Variants in PTPRE observed in about 807,000 individuals in gnomAD.
The protein encoded by PTPRE is receptor-type tyrosine-protein phosphatase epsilon.
Under a neutral mutation model 102.0 loss-of-function variants are expected in PTPRE, and 51 were observed. The observed-to-expected ratio is 0.50, with a 90% confidence interval of 0.40 to 0.63. PTPRE has a LOEUF of 0.63. Among genes scored for constraint, PTPRE ranks in the 30% least tolerant of loss-of-function variants. The pLI is 0.00. For missense variants in PTPRE, 752 were observed against 915.1 expected (o/e 0.82, Z 2.30); for synonymous variants, 345 against 348.2 (o/e 0.99, Z 0.10).
At chr10:127,949,229 C>T (rs372899764) in intron 1 of PTPRE, among the ~76,000 whole-genome samples, 1 of 152,124 alleles carries the variant, frequency 6.6e-6, no homozygotes, top group African/African-American at 2.4e-5. Flanking sequence ...TCTCAGCCAA[C>T]CCTAATTAGA....
intron 2 of PTPRE, among the ~76,000 whole-genome samples, chr10:128,034,123 C>T (rs1847001578): frequency 6.6e-6 from 1 of 152,172 alleles, no homozygotes; most frequent in African/African-American, 2.4e-5. Context: ...CTTTCTCTCT[C>T]CTGCTCATCA....
chr10:127,969,819 T>G (rs1428522192), intron 1 of PTPRE, among the ~76,000 whole-genome samples: 4 of 152,132 alleles, frequency 2.6e-5, no homozygotes. Flanking sequence ...GTGAACTCTG[T>G]GTGAGATGCT....
At chr10:127,939,705 A>G (rs549199996) in intron 1 of PTPRE, among the ~76,000 whole-genome samples, 1 of 152,344 alleles carries the variant, frequency 6.6e-6, no homozygotes, top group African/African-American at 2.4e-5. Context: ...TGAGCCCAGC[A>G]GGGGCAGGGC....
chr10:127,955,839 G>A (rs949140783), intron 1 of PTPRE, among the ~76,000 whole-genome samples: 9 of 152,160 alleles, frequency 5.9e-5, no homozygotes, highest in African/African-American at 2.2e-4. Context: ...AGATGAAGGG[G>A]AAGCAAGAAC....
chr10:127,930,895 C>T (rs547184007), intron 1 of PTPRE, among the ~76,000 whole-genome samples: 13 of 151,722 alleles, frequency 8.6e-5, no homozygotes, highest in East Asian at 1.9e-4. Flanking sequence ...CGGATTCAAG[C>T]GATTCTCCTG....
rs752197871 is a variant in PTPRE, at chr10:128,068,112, G to A, written c.844-11G>A. On this transcript the variant is annotated splice_polypyrimidine_tract_variant and intron_variant, in intron 11 of 20. Transcript: ENST00000254667. ...GTTTCACCCACTCTTGTCTCCCCGCGTCCCCCGCAGCAGCTCCCCGACGGC... is the reference window on the plus strand; with the variant it reads ...GTTTCACCCACTCTTGTCTCCCCGCATCCCCCGCAGCAGCTCCCCGACGGC... The A allele has an allele frequency of 1.1e-5, 18 of 1,608,868 alleles. No individual in the cohort carries two copies. Among genetic ancestry groups the A allele is most frequent in the African/African-American group, 6.7e-5 (5 of 74,794 alleles).
intron 20 of PTPRE, among the ~76,000 whole-genome samples, chr10:128,081,801 C>G (rs952368377): frequency 3.3e-5 from 5 of 152,218 alleles, no homozygotes; most frequent in African/African-American, 1.2e-4. Context: ...TCAGGCTCAC[C>G]TTTTCCTTCT....
Position 128,068,145 on chromosome 10 carries a change from C to A in PTPRE, c.866C>A (p.Ala289Asp), listed in dbSNP as rs1464658480. Residue 289 changes from alanine (A) to aspartate (D), a missense_variant, in exon 12 of 21, where the codon GCC (alanine) becomes GAC (aspartate). Coordinates refer to ENST00000254667, the MANE Select transcript of PTPRE (RefSeq NM_006504.6). Reference protein sequence around the residue: ...IQPQLPDGCKAPRLVSQLHFT... With the variant: ...IQPQLPDGCKDPRLVSQLHFT... ...CAGCAGCTCCCCGACGGCTGCAAAG[C>A]CCCCAGGCTGGTCTCACAGCTGCAC... is the stretch of plus-strand genomic sequence containing the variant. 6.2e-7 allele frequency: 1 copy of A among 1,613,532 alleles called. No individual in the cohort carries two copies. Among genetic ancestry groups the A allele is most frequent in the Non-Finnish European group, 8.5e-7 (1 of 1,179,770 alleles).
chr10:127,911,222 G>A (rs982325323), intron 1 of PTPRE, among the ~76,000 whole-genome samples: 2 of 152,174 alleles, frequency 1.3e-5, no homozygotes, highest in African/African-American at 4.8e-5. Context: ...ATTTTTGCAT[G>A]GCAATCTAAA....
At chr10:128,079,143 G>T (rs1489343324) in intron 19 of PTPRE, among the ~76,000 whole-genome samples, 1 of 152,142 alleles carries the variant, frequency 6.6e-6, no homozygotes, top group East Asian at 1.9e-4. Flanking sequence ...ACAGTAAGGA[G>T]AGGGTATGCC....
chr10:127,990,343 C>A (rs55686451), intron 2 of PTPRE, among the ~76,000 whole-genome samples: 1 of 134,418 alleles, frequency 7.4e-6, no homozygotes, highest in Non-Finnish European at 1.5e-5. Flanking sequence ...ACCCAGGAGG[C>A]GGAGGTTGCA....
chr10:127,999,944 C>G, intron 2 of PTPRE: 2 of 985,464 alleles, frequency 2.0e-6, no homozygotes, highest in Non-Finnish European at 2.4e-6. Context: ...CTAGGGGCTA[C>G]TGAGAACGCG....
At chr10:127,916,709 A>C (rs527571536) in intron 1 of PTPRE, among the ~76,000 whole-genome samples, 1 of 152,274 alleles carries the variant, frequency 6.6e-6, no homozygotes, top group Admixed American at 6.5e-5. Context: ...GGGATGGGAC[A>C]AAAAGGTGGA....
intron 2 of PTPRE, among the ~76,000 whole-genome samples, chr10:128,001,589 G>A (rs190791724): frequency 9.3e-4 from 141 of 152,256 alleles, no homozygotes; most frequent in Non-Finnish European, 1.6e-3. Context: ...ACCCCAGGCC[G>A]ACCCCCAGTA....
At chr10:127,960,750 G>A (rs931637756) in intron 1 of PTPRE, among the ~76,000 whole-genome samples, 27 of 152,144 alleles carry the variant, frequency 1.8e-4, no homozygotes, top group Admixed American at 1.7e-3. Flanking sequence ...ACAGCCGGGC[G>A]CGGTGGCTCA....
rs1164799630 is a variant in PTPRE, at chr10:128,083,530, C to T, written c.*624C>T. On this transcript the variant is annotated 3_prime_UTR_variant, in exon 21 of 21. Coordinates refer to ENST00000254667, the MANE Select transcript of PTPRE (RefSeq NM_006504.6). ...ATAATATTTTAAAATGCTGTGTCTA[C>T]ACCATCAAGACTGTGTCTACACTAT... 1 of 152,278 alleles carries T rather than the reference C, an allele frequency of 6.6e-6. No individual in the cohort carries two copies. The highest frequency in any genetic ancestry group is 1.9e-4 in the East Asian group (1 of 5,212). 9.4% of individuals were successfully genotyped at this position (152,278 alleles called of 1,614,324 possible). A position where few individuals can be genotyped will look rare whatever the true frequency, so the allele number is the denominator to read the frequency against.
Position 127,907,139 on chromosome 10 carries a change from C to A in PTPRE, c.-201C>A. 2.3e-6 allele frequency: 1 copy of A among 442,892 alleles called. No individual in the cohort carries two copies. Among genetic ancestry groups the A allele is most frequent in the Non-Finnish European group, 3.0e-6 (1 of 334,644 alleles). The allele number at this position is 442,892 out of a possible 1,614,324, so 27.4% of individuals were successfully genotyped here. Reference sequence around the variant, plus strand: ...CTGCTAGGCTGCGGACAGCGGGCGGCAGGAGCCGGCGCGAGCGGCTTCAGG... The same window carrying A: ...CTGCTAGGCTGCGGACAGCGGGCGGAAGGAGCCGGCGCGAGCGGCTTCAGG... On this transcript the variant is annotated 5_prime_UTR_variant, in exon 1 of 21. Transcript: ENST00000254667. The surrounding 1 kb of genome is among the most constrained non-coding windows in gnomAD (Gnocchi z 4.8).
At chr10:127,915,790 T>C (rs1018660246) in intron 1 of PTPRE, among the ~76,000 whole-genome samples, 6 of 150,912 alleles carry the variant, frequency 4.0e-5, no homozygotes, top group African/African-American at 1.2e-4. Flanking sequence ...TAAACCTTTA[T>C]TGACTACCTA....
chr10:128,061,655 TA>T, intron 8 of PTPRE, 23 bp from the exon 9 acceptor site: 4 of 1,578,216 alleles, frequency 2.5e-6, no homozygotes, highest in Non-Finnish European at 3.4e-6. Flanking sequence ...TGAAAAAATA[TA>T]AATCTGATGT....
Sources: allele counts gnomAD v4.1 joint callset (sites outside exome capture counted in the v4.1 genomes callset), GRCh38; gene constraint gnomAD v4.1.1; non-coding constraint Gnocchi (gnomAD v3.1); transcripts MANE v1.5; gene names NCBI Gene and HGNC (gene_info 2026-07-23, HGNC 2026-07-21).